The following WDR70 variants were observed in gnomAD, a reference collection of about 807,000 sequenced individuals.
WDR70 encodes WD repeat-containing protein 70.
WDR70 carries 53 observed loss-of-function variants against 88.6 expected under a neutral mutation model. The ratio of observed to expected loss-of-function variants is 0.60; its 90% CI spans 0.48 to 0.75. The LOEUF (loss-of-function observed/expected upper bound fraction) is 0.75, where lower values mean the gene tolerates loss of function less well. Among genes scored for constraint, WDR70 ranks in the 30% least tolerant of loss-of-function variants. WDR70 has a pLI of 0.00. For missense variants in WDR70, 610 were observed against 823.2 expected, an observed-to-expected ratio of 0.74 and a Z score of 3.17; for synonymous variants, 280 against 270.0, an observed-to-expected ratio of 1.04 and a Z score of -0.36.
At chr5:37,600,295 A>T (rs1186235028) in intron 9 of WDR70, among the ~76,000 whole-genome samples, 1 of 152,178 alleles carries the variant, frequency 6.6e-6, no homozygotes, top group Non-Finnish European at 1.5e-5. Flanking sequence ...TGGGAGGCTG[A>T]TGCGGGTGGA....
chr5:37,579,961 C>T lies in WDR70; in HGVS notation c.918-25103C>T, dbSNP rs57947315. Among the ~76,000 whole-genome samples, 1,323 of 152,168 alleles carry T rather than the reference C, an allele frequency of 8.7e-3. 23 individuals carry two copies. The highest frequency in any genetic ancestry group is 0.03 in the African/African-American group (1,252 of 41,536). ...TAAAAATTATTGGGTTCTATTCTAT[C>T]TTATTGATTCATTAGAGGTCATACG... is the stretch of plus-strand genomic sequence containing the variant. On this transcript the variant is annotated intron_variant, in intron 9 of 17. Transcript: ENST00000265107.
chr5:37,397,920 C>T (rs141035053), intron 5 of WDR70, among the ~76,000 whole-genome samples: 4 of 149,992 alleles, frequency 2.7e-5, no homozygotes, highest in Admixed American at 6.6e-5. Context: ...CACTTGAACC[C>T]GGGAGACAGA....
At chr5:37,550,174 G>C (rs13436704) in intron 9 of WDR70, among the ~76,000 whole-genome samples, 1 of 152,102 alleles carries the variant, frequency 6.6e-6, no homozygotes, top group African/African-American at 2.4e-5. Flanking sequence ...CAGAGATGTT[G>C]AATTTTAGCA....
chr5:37,513,511 C>T lies in WDR70; in HGVS notation c.841-3003C>T, dbSNP rs185816753. On this transcript the variant is annotated intron_variant, in intron 8 of 17. Transcript: ENST00000265107. ...GAACATGGAGCCAGAAAATAAAATT[C>T]GTTGTGGACTGTGTATATTAGGGTT... Among the ~76,000 whole-genome samples, 11 of 152,228 alleles carry T rather than the reference C, an allele frequency of 7.2e-5. No individual in the cohort carries two copies. In the East Asian group the frequency reaches 1.7e-3, roughly 24 times the overall value.
intron 9 of WDR70, among the ~76,000 whole-genome samples, chr5:37,583,343 C>T (rs1743273313): frequency 6.6e-6 from 1 of 151,750 alleles, no homozygotes; most frequent in South Asian, 2.1e-4. Flanking sequence ...ATGGCGTGAA[C>T]CCAGGAGGCA....
chr5:37,622,583 C>G (rs1207673203), intron 10 of WDR70, among the ~76,000 whole-genome samples: 1 of 152,120 alleles, frequency 6.6e-6, no homozygotes, highest in Non-Finnish European at 1.5e-5. Context: ...GAGTTCATGT[C>G]CTTTGTAGGG....
chr5:37,673,456 T>C (rs895232284), intron 10 of WDR70, among the ~76,000 whole-genome samples: 1 of 152,188 alleles, frequency 6.6e-6, no homozygotes, highest in Non-Finnish European at 1.5e-5. Context: ...GTTCTGTTTT[T>C]AGCCCTTTGA....
At chr5:37,406,332 A>G (rs1167561082) in intron 5 of WDR70, among the ~76,000 whole-genome samples, 1 of 152,196 alleles carries the variant, frequency 6.6e-6, no homozygotes, top group African/African-American at 2.4e-5. Context: ...GTCTAATCCT[A>G]TATCACTTCA....
At chr5:37,746,137 C>A (rs529232564) in intron 17 of WDR70, among the ~76,000 whole-genome samples, 1 of 152,270 alleles carries the variant, frequency 6.6e-6, no homozygotes, top group South Asian at 2.1e-4. Flanking sequence ...AAAAACCACA[C>A]AATTTCATGG....
chr5:37,692,681 C>G (rs869249762), intron 10 of WDR70, among the ~76,000 whole-genome samples: 2 of 152,050 alleles, frequency 1.3e-5, no homozygotes, highest in African/African-American at 4.8e-5. Flanking sequence ...CATGAGAAAA[C>G]CTCTCAATAA....
In WDR70 at chr5:37,605,056, A is replaced by G; in HGVS notation, c.918-8A>G. The G allele has an allele frequency of 6.4e-7, 1 of 1,560,430 alleles. No individual in the cohort carries two copies. The highest frequency in any genetic ancestry group is 8.7e-7 in the Non-Finnish European group (1 of 1,155,900). ...TAAATAAATGAAAAATCTCCTGATCATTTTTAGGACTGTGAGGACGTGGGA... is the reference window on the plus strand; with the variant it reads ...TAAATAAATGAAAAATCTCCTGATCGTTTTTAGGACTGTGAGGACGTGGGA... On this transcript the variant is annotated splice_polypyrimidine_tract_variant and splice_region_variant and intron_variant, in intron 9 of 17. Coordinates refer to ENST00000265107, the MANE Select transcript of WDR70 (RefSeq NM_018034.4).
chr5:37,443,297 A>G lies in WDR70; in HGVS notation c.611A>G (p.Tyr204Cys), dbSNP rs771115412. The G allele has an allele frequency of 9.3e-6, 15 of 1,613,754 alleles. No individual in the cohort carries two copies. Among genetic ancestry groups the G allele is most frequent in the African/African-American group, 4.0e-5 (3 of 74,912 alleles). ...CGTTTGGTGACAGGAGGATATGACT[A>G]TGATGTTAAGTTTTGGGATTTTGCT... ...GARLVTGGYD[Y>C]DVKFWDFAGM... Residue 204 changes from tyrosine (Y) to cysteine (C), a missense_variant, in exon 7 of 18, where the codon TAT becomes TGT. Tyr to Cys is a radical substitution (Grantham distance 194). Coordinates refer to ENST00000265107, the MANE Select transcript of WDR70 (RefSeq NM_018034.4).
At position 37,428,089 on chromosome 5, in the gene WDR70, A is replaced by G. The variant is rs73070411; in HGVS notation, c.493-9833A>G. Among the ~76,000 whole-genome samples the G allele has an allele frequency of 8.6e-3, 1,311 of 152,130 alleles. 25 individuals are homozygous for G. The highest frequency in any genetic ancestry group is 0.03 in the African/African-American group (1,239 of 41,474). On this transcript the variant is annotated intron_variant, in intron 5 of 17. Coordinates refer to ENST00000265107, the MANE Select transcript of WDR70 (RefSeq NM_018034.4). ...TAGACTTGTTGAATTTATGAGGGCA[A>G]CAAGCTGTGGTCCTGATTGTCTTAG... is the stretch of plus-strand genomic sequence containing the variant.
chr5:37,397,920 C>G (rs141035053), intron 5 of WDR70, among the ~76,000 whole-genome samples: 15,234 of 150,064 alleles, frequency 0.1, 873 homozygotes, highest in Admixed American at 0.15. Flanking sequence ...CACTTGAACC[C>G]GGGAGACAGA....
At chr5:37,489,808 ATTATAC>A (rs1740010437) in intron 8 of WDR70, among the ~76,000 whole-genome samples, 2 of 150,094 alleles carry the variant, frequency 1.3e-5, no homozygotes, top group African/African-American at 4.9e-5. Flanking sequence ...TTTTTTTATT[ATTATAC>A]TTTAAGTTTT....
At chr5:37,591,414 T>C (rs1056906557) in intron 9 of WDR70, among the ~76,000 whole-genome samples, 2 of 152,234 alleles carry the variant, frequency 1.3e-5, no homozygotes, top group African/African-American at 4.8e-5. Flanking sequence ...TTGGGAATTT[T>C]ATGACAATTT....
Position 37,563,121 on chromosome 5 carries a change from G to A in WDR70, c.918-41943G>A, listed in dbSNP as rs1173791118. Among the ~76,000 whole-genome samples, 2 of 67,004 alleles carry A rather than the reference G, an allele frequency of 3.0e-5. 1 individual carries two copies. Among genetic ancestry groups the A allele is most frequent in the Non-Finnish European group, 7.6e-5 (2 of 26,468 alleles). The allele number at this position is 67,004 out of a possible 152,430, so 44.0% of individuals were successfully genotyped here. A position where few individuals can be genotyped will look rare whatever the true frequency, so the allele number is the denominator to read the frequency against. On this transcript the variant is annotated intron_variant, in intron 9 of 17. Coordinates refer to ENST00000265107, the MANE Select transcript of WDR70 (RefSeq NM_018034.4). ...TCCCGGACGGGGCGGCTGGCTGGGCGGGGGGCTGACCTCCCGGCCTCCCTC... is the reference window on the plus strand; with the variant it reads ...TCCCGGACGGGGCGGCTGGCTGGGCAGGGGGCTGACCTCCCGGCCTCCCTC...
intron 10 of WDR70, chr5:37,620,209 A>T (rs554254609): frequency 6.6e-6 from 1 of 151,864 alleles, no homozygotes; most frequent in Non-Finnish European, 1.5e-5. Context: ...AATTTTTTAT[A>T]GTTAATTACA....
intron 5 of WDR70, among the ~76,000 whole-genome samples, chr5:37,427,249 C>T (rs181208554): frequency 5.9e-5 from 9 of 152,110 alleles, no homozygotes; most frequent in Non-Finnish European, 8.8e-5. Context: ...ATTAGCTGGG[C>T]GTGGTGGCGG....
Sources: allele counts gnomAD v4.1 joint callset (sites outside exome capture counted in the v4.1 genomes callset), GRCh38; gene constraint gnomAD v4.1.1; transcripts MANE v1.5; gene names NCBI Gene and HGNC (gene_info 2026-07-23, HGNC 2026-07-21).